ETV6: variants seen among roughly 807,000 people sequenced by gnomAD.
The protein encoded by ETV6 is transcription factor ETV6.
A neutral mutation model predicts 51.1 loss-of-function variants in ETV6; 16 were observed. That is an observed-to-expected ratio of 0.31 (90% CI 0.21 to 0.48). The LOEUF (loss-of-function observed/expected upper bound fraction) is 0.48, where lower values mean the gene tolerates loss of function less well. Ranked by LOEUF, ETV6 falls within the 20% of genes least tolerant of loss-of-function variation. The pLI, the probability that ETV6 is intolerant of heterozygous loss-of-function variation, is 0.99. For synonymous variants in ETV6, 240 were observed against 224.1 expected (o/e 1.07, Z -0.64); for missense variants, 458 against 594.8 (o/e 0.77, Z 2.39).
intron 1 of ETV6, among the ~76,000 whole-genome samples, chr12:11,650,887 CCTT>C (rs1863894229): frequency 6.6e-6 from 1 of 152,324 alleles, no homozygotes; most frequent in African/African-American, 2.4e-5. Flanking sequence ...GGCAAAATGA[CCTT>C]CTGTGTTTGA....
chr12:11,754,968 G>A (rs140171567), intron 2 of ETV6, among the ~76,000 whole-genome samples: 4 of 152,324 alleles, frequency 2.6e-5, no homozygotes, highest in African/African-American at 7.2e-5. Context: ...TTTCAAGGTC[G>A]ATCACAGAAC....
At chr12:11,657,341 G>T (rs539290451) in intron 1 of ETV6, among the ~76,000 whole-genome samples, 5 of 152,108 alleles carry the variant, frequency 3.3e-5, no homozygotes, top group African/African-American at 1.2e-4. Flanking sequence ...GGAAAAATGA[G>T]AAAAAACAGG....
At chr12:11,732,395 C>T (rs1865616451) in intron 1 of ETV6, among the ~76,000 whole-genome samples, 1 of 152,174 alleles carries the variant, frequency 6.6e-6, no homozygotes. Flanking sequence ...ATGCTGGTCT[C>T]AATTTCTAAG....
intron 1 of ETV6, among the ~76,000 whole-genome samples, chr12:11,714,305 T>C (rs943578967): frequency 1.3e-5 from 2 of 152,210 alleles, no homozygotes; most frequent in Non-Finnish European, 2.9e-5. Flanking sequence ...GGCTCTCTCT[T>C]GCTCTTTGCT....
chr12:11,654,823 G>GC (rs1361605670), intron 1 of ETV6, among the ~76,000 whole-genome samples: 1 of 152,178 alleles, frequency 6.6e-6, no homozygotes, highest in Non-Finnish European at 1.5e-5. Flanking sequence ...CCTTGGGTGG[G>GC]CCGTAGGCTC....
intron 2 of ETV6, among the ~76,000 whole-genome samples, chr12:11,818,347 A>G (rs570167926): frequency 1.4e-4 from 21 of 152,120 alleles, no homozygotes; most frequent in Non-Finnish European, 2.2e-4. Context: ...GCGAAACCCC[A>G]TCTCTACTAA....
intron 5 of ETV6, among the ~76,000 whole-genome samples, chr12:11,877,329 A>G (rs1208041288): frequency 1.3e-5 from 2 of 148,982 alleles, no homozygotes; most frequent in Non-Finnish European, 3.0e-5. Flanking sequence ...AATTTTGTAC[A>G]TGAGCCTCAG....
chr12:11,733,886 C>T (rs187271034), intron 1 of ETV6, among the ~76,000 whole-genome samples: 9 of 152,334 alleles, frequency 5.9e-5, no homozygotes, highest in Admixed American at 2.6e-4. Context: ...AACCTCTGCT[C>T]GGCCGACCAC....
At chr12:11,790,107 T>TC (rs956140599) in intron 2 of ETV6, among the ~76,000 whole-genome samples, 1 of 151,854 alleles carries the variant, frequency 6.6e-6, no homozygotes, top group Non-Finnish European at 1.5e-5. Context: ...CTTCTTTTTT[T>TC]TTTGTTTCTG....
chr12:11,727,145 CT>C (rs1464865300), intron 1 of ETV6, among the ~76,000 whole-genome samples: 2 of 152,212 alleles, frequency 1.3e-5, no homozygotes, highest in Non-Finnish European at 2.9e-5. Flanking sequence ...ATGCAGAGGA[CT>C]TGCCTTTTAG....
intron 1 of ETV6, among the ~76,000 whole-genome samples, chr12:11,717,499 T>C (rs770440572): frequency 6.6e-6 from 1 of 152,186 alleles, no homozygotes; most frequent in Non-Finnish European, 1.5e-5. Flanking sequence ...CTTTTCCCTA[T>C]AGTGTAATAC....
intron 2 of ETV6, among the ~76,000 whole-genome samples, chr12:11,759,971 T>G (rs975060608): frequency 5.3e-5 from 8 of 152,246 alleles, no homozygotes; most frequent in Non-Finnish European, 1.2e-4. Flanking sequence ...CCTTGACAAC[T>G]TCATCAGAGG....
chr12:11,863,752 CTCGTAAGTT>C (rs1946750336), intron 4 of ETV6, among the ~76,000 whole-genome samples: 2 of 152,234 alleles, frequency 1.3e-5, no homozygotes, highest in Non-Finnish European at 2.9e-5. Context: ...CGGCTCTGGT[CTCGTAAGTT>C]TCCATGCCCT....
intron 2 of ETV6, among the ~76,000 whole-genome samples, chr12:11,798,094 G>A (rs1311100613): frequency 4.6e-5 from 7 of 152,134 alleles, no homozygotes; most frequent in Middle Eastern, 3.2e-3. Context: ...CTTTGTACTG[G>A]GATTCCAAAG....
At chr12:11,729,981 A>G (rs1865562946) in intron 1 of ETV6, among the ~76,000 whole-genome samples, 1 of 152,172 alleles carries the variant, frequency 6.6e-6, no homozygotes, top group South Asian at 2.1e-4. Flanking sequence ...TCTGCAAAAT[A>G]GAAAGGGGAG....
At chr12:11,712,527 C>G (rs116249241) in intron 1 of ETV6, among the ~76,000 whole-genome samples, 8,167 of 152,126 alleles carry the variant, frequency 0.054, 685 homozygotes, top group African/African-American at 0.19. Context: ...GAAACAGAAC[C>G]AATAGGAGAT....
intron 2 of ETV6, among the ~76,000 whole-genome samples, chr12:11,764,439 G>T (rs1467767275): frequency 6.6e-6 from 1 of 152,224 alleles, no homozygotes; most frequent in Non-Finnish European, 1.5e-5. Context: ...GCCAAAGAAG[G>T]TCAGGTCTCC....
chr12:11,715,843 C>A (rs1865265207), intron 1 of ETV6, among the ~76,000 whole-genome samples: 5 of 152,300 alleles, frequency 3.3e-5, no homozygotes, highest in Admixed American at 3.3e-4. Context: ...GGAAAACTGA[C>A]TCAAATCAGA....
chr12:11,794,576 G>A (rs541086728), intron 2 of ETV6, among the ~76,000 whole-genome samples: 2 of 152,198 alleles, frequency 1.3e-5, no homozygotes, highest in Admixed American at 6.5e-5. Flanking sequence ...TCAGCTTGAC[G>A]CAAGACACCT....
Sources: allele counts gnomAD v4.1 joint callset (sites outside exome capture counted in the v4.1 genomes callset), GRCh38; gene constraint gnomAD v4.1.1; transcripts MANE v1.5; gene names NCBI Gene and HGNC (gene_info 2026-07-23, HGNC 2026-07-21).